The following GMDS variants were observed in gnomAD, a reference collection of about 807,000 sequenced individuals.
The protein encoded by GMDS is GDP-mannose 4,6 dehydratase.
In GMDS, 20 loss-of-function variants were observed where a neutral mutation model predicts 49.9. That is an observed-to-expected ratio of 0.40 (90% CI 0.28 to 0.58). The LOEUF (loss-of-function observed/expected upper bound fraction) is 0.58. GMDS is among the 20% of genes least tolerant of loss of function. GMDS has a pLI of 0.42. For synonymous variants in GMDS, 177 were observed against 178.6 expected, an observed-to-expected ratio of 0.99 and a Z score of 0.07; for missense variants, 362 against 481.4, an observed-to-expected ratio of 0.75 and a Z score of 2.32.
At chr6:1,950,908 G>C (rs903721725) in intron 6 of GMDS, among the ~76,000 whole-genome samples, 1 of 151,938 alleles carries the variant, frequency 6.6e-6, no homozygotes, top group African/African-American at 2.4e-5. Context: ...GGACAGGACA[G>C]GCGTTTGTTA....
intron 7 of GMDS, among the ~76,000 whole-genome samples, chr6:1,877,765 G>C (rs1759151496): frequency 6.6e-6 from 1 of 152,028 alleles, no homozygotes; most frequent in Non-Finnish European, 1.5e-5. Context: ...CTGGCACAAG[G>C]GATCTTAAAT....
intron 1 of GMDS, among the ~76,000 whole-genome samples, chr6:2,184,221 T>C (rs1003861660): frequency 6.6e-6 from 1 of 152,172 alleles, no homozygotes; most frequent in Non-Finnish European, 1.5e-5. Flanking sequence ...TGTAATAGCC[T>C]CTTAATAGGT....
chr6:2,124,594 A>G, intron 2 of GMDS, 93 bp downstream of exon 2: 1 of 933,410 alleles, frequency 1.1e-6, no homozygotes, highest in East Asian at 2.4e-5. Flanking sequence ...TCAGTGGAAA[A>G]CACACTCAGG....
chr6:1,691,250 A>T lies in GMDS; in HGVS notation c.987+35166T>A, dbSNP rs552100376. On this transcript the variant is annotated intron_variant, in intron 9 of 10. Coordinates refer to ENST00000380815, the MANE Select transcript of GMDS (RefSeq NM_001500.4). ...TGGAAGCCATTACCCTCAGCAAACT[A>T]ATGCAGGAACAGAAAACCAAACACC... Among the ~76,000 whole-genome samples the T allele has an allele frequency of 7.9e-5, 12 of 152,286 alleles. No individual in the cohort carries two copies. In the South Asian group the frequency reaches 2.5e-3, roughly 32 times the overall value.
chr6:2,149,370 C>T (rs918035108), intron 1 of GMDS, among the ~76,000 whole-genome samples: 1 of 152,164 alleles, frequency 6.6e-6, no homozygotes, highest in Non-Finnish European at 1.5e-5. Context: ...GCATCACTTA[C>T]ATGTGTGTTT....
chr6:1,763,691 CA>C (rs1248253264), intron 7 of GMDS, among the ~76,000 whole-genome samples: 1 of 152,134 alleles, frequency 6.6e-6, no homozygotes, highest in Non-Finnish European at 1.5e-5. Flanking sequence ...CCGGTTTGCC[CA>C]GGGGGAACAA....
At chr6:1,720,636 C>A (rs570694421) in intron 9 of GMDS, among the ~76,000 whole-genome samples, 12 of 152,278 alleles carry the variant, frequency 7.9e-5, no homozygotes, top group African/African-American at 2.6e-4. Flanking sequence ...GGGAAGGGAC[C>A]TTACAGAACG....
In GMDS at chr6:1,706,042, G is replaced by A. The variant is rs1265848760; in HGVS notation, c.987+20374C>T. ...TTAACCGGTTGTTGATAAGGTGCCT[G>A]GAAGTTGGAACTAATATGGGAGGAA... On this transcript the variant is annotated intron_variant, in intron 9 of 10. Transcript: ENST00000380815. 2.6e-5 allele frequency among the ~76,000 whole-genome samples: 4 copies of A among 152,186 alleles called. No homozygotes were observed. In the East Asian group the frequency reaches 7.7e-4, roughly 29 times the overall value.
At chr6:1,897,842 T>C (rs1253250051) in intron 7 of GMDS, among the ~76,000 whole-genome samples, 1 of 152,232 alleles carries the variant, frequency 6.6e-6, no homozygotes, top group Non-Finnish European at 1.5e-5. Flanking sequence ...GAATGATCCC[T>C]AGACAGCCTT....
rs536678653 is a variant in GMDS, at chr6:1,638,623, ACACT to A, written c.988-14087_988-14084del. Among the ~76,000 whole-genome samples the A allele has an allele frequency of 6.6e-5, 10 of 151,954 alleles. No homozygotes were observed. The East Asian group carries it at 1.9e-3, about 30-fold the overall frequency. Reference sequence around the variant, plus strand: ...GTATTGCCTTTGAGGATGGCAAGGAACACTCAGAGCCACCTGACATGGGAACTCT... The same window carrying A: ...GTATTGCCTTTGAGGATGGCAAGGAACAGAGCCACCTGACATGGGAACTCT... On this transcript the variant is annotated intron_variant, in intron 9 of 10. Coordinates refer to ENST00000380815, the MANE Select transcript of GMDS (RefSeq NM_001500.4).
At chr6:1,826,052 A>C (rs980769234) in intron 7 of GMDS, among the ~76,000 whole-genome samples, 4 of 152,170 alleles carry the variant, frequency 2.6e-5, no homozygotes, top group Non-Finnish European at 5.9e-5. Flanking sequence ...ACACATGTAC[A>C]GGCACTCACC....
chr6:1,886,250 T>C (rs1194129507), intron 7 of GMDS, among the ~76,000 whole-genome samples: 2 of 152,220 alleles, frequency 1.3e-5, no homozygotes, highest in Non-Finnish European at 2.9e-5. Context: ...TATCAAATCA[T>C]TCTTTCTCAG....
chr6:2,164,974 A>C (rs1290735743), intron 1 of GMDS, among the ~76,000 whole-genome samples: 3 of 152,212 alleles, frequency 2.0e-5, no homozygotes, highest in Non-Finnish European at 4.4e-5. Context: ...GATTGCTTTA[A>C]GTGGTTGGTT....
intron 7 of GMDS, among the ~76,000 whole-genome samples, chr6:1,882,785 T>G (rs1759423237): frequency 6.6e-6 from 1 of 152,238 alleles, no homozygotes. Flanking sequence ...AATGGATTTA[T>G]AAGGATAAGG....
intron 4 of GMDS, among the ~76,000 whole-genome samples, chr6:1,965,965 C>T (rs1381596661): frequency 4.6e-5 from 7 of 152,150 alleles, no homozygotes; most frequent in Non-Finnish European, 7.3e-5. Context: ...AGGCCAAATC[C>T]GACCTACCAT....
chr6:1,805,704 T>C (rs576928464), intron 7 of GMDS, among the ~76,000 whole-genome samples: 206 of 152,330 alleles, frequency 1.4e-3, no homozygotes, highest in African/African-American at 4.7e-3. Context: ...AATACAGTTA[T>C]TTTTCATAAA....
intron 6 of GMDS, among the ~76,000 whole-genome samples, chr6:1,936,117 C>T (rs1232168200): frequency 6.6e-6 from 1 of 152,108 alleles, no homozygotes; most frequent in Non-Finnish European, 1.5e-5. Flanking sequence ...GTTAGTTATG[C>T]ATAATTCTGC....
At chr6:2,074,087 T>C (rs771978888) in intron 4 of GMDS, among the ~76,000 whole-genome samples, 17 of 152,196 alleles carry the variant, frequency 1.1e-4, no homozygotes, top group African/African-American at 4.1e-4. Context: ...CTAAGAAATA[T>C]CCATACTGTT....
intron 4 of GMDS, among the ~76,000 whole-genome samples, chr6:2,109,542 T>C (rs549564099): frequency 6.6e-6 from 1 of 152,156 alleles, no homozygotes; most frequent in East Asian, 1.9e-4. Flanking sequence ...CTTAGGGTCA[T>C]GTAGTGAGCA....
Sources: gnomAD v4.1 joint callset for allele counts (sites outside exome capture counted in the v4.1 genomes callset) on GRCh38, gnomAD v4.1.1 for gene constraint, MANE v1.5 for transcripts, NCBI Gene and HGNC (gene_info 2026-07-23, HGNC 2026-07-21) for gene names.